TTC17: variants seen among roughly 807,000 people sequenced by gnomAD.
The protein encoded by TTC17 is tetratricopeptide repeat protein 17.
In TTC17, 58 loss-of-function variants were observed where a neutral mutation model predicts 143.8. The ratio of observed to expected loss-of-function variants is 0.40; its 90% CI spans 0.33 to 0.50. The LOEUF (loss-of-function observed/expected upper bound fraction) is 0.50, where lower values mean the gene tolerates loss of function less well. Among genes scored for constraint, TTC17 ranks in the 20% least tolerant of loss-of-function variants. The pLI, the probability that TTC17 is intolerant of heterozygous loss-of-function variation, is 0.49. For missense variants in TTC17, 1,273 were observed against 1,392.5 expected (o/e 0.91, Z 1.37); for synonymous variants, 501 against 497.8 (o/e 1.01, Z -0.09).
At chr11:43,375,254 A>G (rs1020845752) in intron 1 of TTC17, among the ~76,000 whole-genome samples, 2 of 152,198 alleles carry the variant, frequency 1.3e-5, no homozygotes, top group Non-Finnish European at 2.9e-5. Context: ...AATAATCACC[A>G]TGACCAAGGG....
At chr11:43,396,223 TG>T (rs1448000955) in intron 5 of TTC17, 1 of 152,014 alleles carries the variant, frequency 6.6e-6, no homozygotes, top group African/African-American at 2.4e-5. Context: ...TTCATGTTTT[TG>T]GCCCTTTTTC....
At position 43,404,012 on chromosome 11, in the gene TTC17, A is replaced by C. The variant is rs146594248; in HGVS notation, c.1347A>C (p.Ser449=). The change falls in exon 11 of 24, where the codon TCA becomes TCC. Residue 449 remains serine, a synonymous_variant. Transcript: ENST00000039989. ...TCATTTTCTAGTTTGGTGAGGATTC[A>C]TCAACCTCCAGTATGATGTCTGTGA... ...NVDYVQFGED[S]STSSMMSVNF... is the part of the protein sequence containing the mutation. 1.6e-5 allele frequency: 26 copies of C among 1,605,812 alleles called. No homozygotes were observed. The highest frequency in any genetic ancestry group is 2.0e-5 in the Non-Finnish European group (23 of 1,177,074).
At chr11:43,363,236 A>G (rs1203931728) in intron 1 of TTC17, among the ~76,000 whole-genome samples, 1 of 152,196 alleles carries the variant, frequency 6.6e-6, no homozygotes, top group Non-Finnish European at 1.5e-5. Context: ...GTTTTTGCTT[A>G]ATCCCTAGTT....
At chr11:43,434,168 GACACACACACACACACACACAC>G (rs55913890) in intron 16 of TTC17, among the ~76,000 whole-genome samples, 14,636 of 125,506 alleles carry the variant, frequency 0.12, 987 homozygotes, top group Middle Eastern at 0.16. Flanking sequence ...CATGGGCGGG[GACACACACACACACACACACAC>G]ACACACACAC....
At chr11:43,384,761 T>C (rs979775719) in intron 2 of TTC17, among the ~76,000 whole-genome samples, 4 of 152,248 alleles carry the variant, frequency 2.6e-5, no homozygotes, top group Admixed American at 2.6e-4. Flanking sequence ...GATACATTAA[T>C]ATTTCTTTAG....
At chr11:43,435,108 TAGA>T (rs1157922089) in intron 16 of TTC17, 1 of 151,962 alleles carries the variant, frequency 6.6e-6, no homozygotes, top group Non-Finnish European at 1.5e-5. Flanking sequence ...GATAGATAGA[TAGA>T]TAGATAGATA....
At chr11:43,387,540 A>C (rs535017852) in intron 2 of TTC17, among the ~76,000 whole-genome samples, 1 of 152,168 alleles carries the variant, frequency 6.6e-6, no homozygotes, top group Non-Finnish European at 1.5e-5. Flanking sequence ...AATGGCATAA[A>C]CAATAAGGTC....
Position 43,379,304 on chromosome 11 carries a change from C to G in TTC17, c.231C>G (p.Asn77Lys). ...VILMRQEATV[N>K]YLKELEKQLV... The stretch of plus-strand genomic sequence containing the variant: ...TAATGAGACAAGAAGCAACAGTTAA[C>G]TACCTCAAAGAATTAGAGGTGAGGC... The change falls in exon 2 of 24, where the codon AAC becomes AAG. Residue 77 changes from asparagine to lysine, a missense_variant. Asn to Lys is a moderately conservative substitution (Grantham distance 94, BLOSUM62 0). This residue lies in a region of TTC17 where 325 missense variants were observed against 444.2 expected (regional missense o/e 0.73). Transcript: ENST00000039989. 1 of 1,611,878 alleles carries G rather than the reference C, an allele frequency of 6.2e-7. No individual in the cohort carries two copies. The highest frequency in any genetic ancestry group is 1.3e-5 in the African/African-American group (1 of 74,960).
In TTC17 at chr11:43,477,704, C is replaced by G. The variant is rs542700784; in HGVS notation, c.3031-12535C>G. On this transcript the variant is annotated intron_variant, in intron 21 of 23. Coordinates refer to ENST00000039989, the MANE Select transcript of TTC17 (RefSeq NM_018259.6). ...CAACACGTGGGAATTCTGGGAAATA[C>G]AATTCGAGATGTGGGTGGGGACACA... 1.1e-4 allele frequency among the ~76,000 whole-genome samples: 16 copies of G among 152,252 alleles called. No homozygotes were observed. The South Asian group carries it at 3.3e-3, about 32-fold the overall frequency.
At chr11:43,446,584 A>T in intron 18 of TTC17, 1 of 804,924 alleles carries the variant, frequency 1.2e-6, no homozygotes, top group Non-Finnish European at 1.5e-6. Flanking sequence ...TTATTAATTT[A>T]AACAGAGTTA....
intron 16 of TTC17, among the ~76,000 whole-genome samples, chr11:43,425,164 G>T (rs958170755): frequency 3.9e-5 from 6 of 152,028 alleles, no homozygotes; most frequent in African/African-American, 1.4e-4. Flanking sequence ...CATTCAGAAA[G>T]ATGATTCTAG....
rs752658322 is a variant in TTC17, at chr11:43,414,687, A to C, written c.2162A>C (p.Lys721Thr). The change falls in exon 16 of 24, where the codon AAA (lysine) becomes ACA (threonine). Residue 721 changes from lysine to threonine, a missense_variant. Lys to Thr is a moderately conservative substitution (Grantham distance 78). Around this residue, in one of 3 missense-constraint regions of TTC17, gnomAD observed 878 missense variants for 899.8 expected, o/e 0.98. Coordinates refer to ENST00000039989, the MANE Select transcript of TTC17 (RefSeq NM_018259.6). ...AFRQALKLTT[K>T]CPECENSLKL... ...AGACAGGCCTTGAAATTAACCACCA[A>C]ATGTCCAGAGTGTGAAAACAGCCTG... The C allele has an allele frequency of 1.9e-6, 3 of 1,613,698 alleles. No individual in the cohort carries two copies. In the East Asian group the frequency reaches 6.7e-5, roughly 36 times the overall value.
At chr11:43,381,540 T>TAA (rs1433024414) in intron 2 of TTC17, among the ~76,000 whole-genome samples, 4 of 152,068 alleles carry the variant, frequency 2.6e-5, no homozygotes, top group Middle Eastern at 3.4e-3. Context: ...ATAATAATAA[T>TAA]AACAACAACA....
At chr11:43,406,018 G>C in intron 13 of TTC17, 67 bp downstream of exon 13, 1 of 1,515,240 alleles carries the variant, frequency 6.6e-7, no homozygotes, top group South Asian at 1.3e-5. Flanking sequence ...CTCTTAAATG[G>C]AACAAAAAAT....
intron 21 of TTC17, chr11:43,468,413 T>C (rs577618278): frequency 6.6e-6 from 1 of 152,330 alleles, no homozygotes; most frequent in African/African-American, 2.4e-5. Context: ...AAAATCTCTG[T>C]AATAAGTATG....
intron 7 of TTC17, 29 bp downstream of exon 7, chr11:43,397,520 A>G (rs988077494): frequency 2.6e-6 from 4 of 1,528,682 alleles, no homozygotes; most frequent in Admixed American, 4.2e-5. Flanking sequence ...TTCATGAGTC[A>G]TGCTAGTTGC....
Position 43,394,699 on chromosome 11 carries a change from A to G in TTC17, c.664-2010A>G, listed in dbSNP as rs929104706. Among the ~76,000 whole-genome samples, 4 of 152,314 alleles carry G rather than the reference A, an allele frequency of 2.6e-5. No homozygotes were observed. The East Asian group carries it at 7.7e-4, about 29-fold the overall frequency. ...AATACCTATATGAGTTTGGAATTTC[A>G]GGGAAAGTTAGAGTTGGGCACATAG... On this transcript the variant is annotated intron_variant, in intron 5 of 23. Coordinates refer to ENST00000039989, the MANE Select transcript of TTC17 (RefSeq NM_018259.6).
At chr11:43,474,805 T>C (rs1485347903) in intron 21 of TTC17, among the ~76,000 whole-genome samples, 1 of 152,172 alleles carries the variant, frequency 6.6e-6, no homozygotes, top group Non-Finnish European at 1.5e-5. Context: ...ATTTTATATA[T>C]GTATTTTATA....
At chr11:43,428,512 G>GT (rs755426148) in intron 16 of TTC17, among the ~76,000 whole-genome samples, 4 of 152,150 alleles carry the variant, frequency 2.6e-5, no homozygotes, top group Non-Finnish European at 4.4e-5. Context: ...TGGTATCTGT[G>GT]TCTCAACTGG....
Sources: allele counts gnomAD v4.1 joint callset (sites outside exome capture counted in the v4.1 genomes callset), GRCh38; gene constraint gnomAD v4.1.1; regional missense constraint gnomAD v4.1.1; transcripts MANE v1.5; gene names NCBI Gene and HGNC (gene_info 2026-07-23, HGNC 2026-07-21).